The following ATP10B variants were observed in gnomAD, a reference collection of about 807,000 sequenced individuals.
ATP10B encodes ATPase phospholipid transporting 10B (putative).
In ATP10B, 122 loss-of-function variants were observed where a neutral mutation model predicts 141.2. The ratio of observed to expected loss-of-function variants is 0.86; its 90% confidence interval spans 0.75 to 1.00. The LOEUF is 1.00. Ranked by LOEUF, ATP10B falls within the 50% of genes least tolerant of loss-of-function variation. The pLI, the probability that ATP10B is intolerant of heterozygous loss-of-function variation, is 0.00. For missense variants in ATP10B, 1,876 were observed against 1,825.3 expected, an observed-to-expected ratio of 1.03 and a Z score of -0.51; for synonymous variants, 685 against 692.0, an observed-to-expected ratio of 0.99 and a Z score of 0.16.
At chr5:160,807,057 A>G (rs1772827928) in intron 1 of ATP10B, among the ~76,000 whole-genome samples, 1 of 152,200 alleles carries the variant, frequency 6.6e-6, no homozygotes, top group African/African-American at 2.4e-5. Flanking sequence ...TCTAGCAATA[A>G]ATTAGAACCA....
intron 1 of ATP10B, among the ~76,000 whole-genome samples, chr5:160,851,367 CTTT>C (rs1238623784): frequency 6.6e-6 from 1 of 152,026 alleles, no homozygotes; most frequent in South Asian, 2.1e-4. Flanking sequence ...ATGCATGGGG[CTTT>C]TTTATTTTTT....
intron 2 of ATP10B, among the ~76,000 whole-genome samples, chr5:160,735,284 T>G (rs966548928): frequency 7.3e-5 from 11 of 151,268 alleles, no homozygotes; most frequent in Non-Finnish European, 1.5e-4. Context: ...ACATACAGAT[T>G]GAAAATAAAG....
intron 7 of ATP10B, among the ~76,000 whole-genome samples, chr5:160,652,104 C>G (rs1760781869): frequency 6.6e-6 from 1 of 152,182 alleles, no homozygotes; most frequent in Admixed American, 6.5e-5. Flanking sequence ...TCTTGTTCCT[C>G]TGTTGGGGCT....
At chr5:160,576,164 G>A (rs1043881451) in intron 24 of ATP10B, among the ~76,000 whole-genome samples, 1 of 152,274 alleles carries the variant, frequency 6.6e-6, no homozygotes, top group African/African-American at 2.4e-5. Flanking sequence ...GGGGTTCTGG[G>A]TCATGTCTCC....
At chr5:160,673,009 C>T (rs1762807273) in intron 6 of ATP10B, among the ~76,000 whole-genome samples, 2 of 152,304 alleles carry the variant, frequency 1.3e-5, no homozygotes, top group Non-Finnish European at 1.5e-5. Flanking sequence ...TAAACAGGGA[C>T]ATTGGAATTG....
chr5:160,620,250 A>T, intron 15 of ATP10B, 97 bp downstream of exon 15: 1 of 1,466,728 alleles, frequency 6.8e-7, no homozygotes, highest in Non-Finnish European at 9.2e-7. Context: ...CTGCCATACC[A>T]GGTGACACTA....
intron 7 of ATP10B, 70 bp from the exon 8 acceptor site, chr5:160,649,326 G>T: frequency 9.2e-7 from 1 of 1,091,352 alleles, no homozygotes; most frequent in Non-Finnish European, 1.4e-6. Context: ...CACTGGGAGA[G>T]CTAATCACTG....
intron 3 of ATP10B, among the ~76,000 whole-genome samples, chr5:160,703,441 A>G (rs1285855163): frequency 2.0e-5 from 3 of 151,646 alleles, no homozygotes. Flanking sequence ...AAATAGTCAT[A>G]ATCTTTTTGC....
intron 1 of ATP10B, among the ~76,000 whole-genome samples, chr5:160,836,546 T>C (rs1186443912): frequency 6.6e-6 from 1 of 152,126 alleles, no homozygotes; most frequent in Admixed American, 6.6e-5. Flanking sequence ...TCTAGTCTCA[T>C]TGCATTATTC....
chr5:160,807,239 A>G (rs1581569199), intron 1 of ATP10B, among the ~76,000 whole-genome samples: 1 of 152,194 alleles, frequency 6.6e-6, no homozygotes, highest in African/African-American at 2.4e-5. Flanking sequence ...TTTGCTGGTA[A>G]GAGTGATTGT....
chr5:160,669,039 C>T (rs1056274264), intron 7 of ATP10B, among the ~76,000 whole-genome samples: 3 of 152,222 alleles, frequency 2.0e-5, no homozygotes, highest in Non-Finnish European at 4.4e-5. Flanking sequence ...TGCTTTCCTT[C>T]TCCCAAATCC....
chr5:160,682,932 G>T (rs1477193842), intron 6 of ATP10B, among the ~76,000 whole-genome samples: 1 of 150,978 alleles, frequency 6.6e-6, no homozygotes, highest in Non-Finnish European at 1.5e-5. Context: ...CCAGCTACTC[G>T]GGAGGCTGAG....
chr5:160,667,157 G>T (rs1363918363), intron 7 of ATP10B, among the ~76,000 whole-genome samples: 2 of 152,314 alleles, frequency 1.3e-5, no homozygotes, highest in Admixed American at 1.3e-4. Context: ...GGCGGAGCTT[G>T]CAGTGAGCAG....
the ATP10B span, among the ~76,000 whole-genome samples, chr5:160,873,123 G>A: frequency 2.2e-5 from 2 of 91,594 alleles, no homozygotes; most frequent in African/African-American, 7.4e-5. Flanking sequence ...GGTTTTTTTT[G>A]TTTTTTTTTT....
chr5:160,685,765 C>T (rs189914322), intron 6 of ATP10B, among the ~76,000 whole-genome samples: 5 of 152,220 alleles, frequency 3.3e-5, no homozygotes, highest in African/African-American at 1.2e-4. Flanking sequence ...TTTTCTCAGC[C>T]TCAGCACTAT....
chr5:160,606,312 A>G (rs116242922), intron 19 of ATP10B, among the ~76,000 whole-genome samples: 2,386 of 152,282 alleles, frequency 0.016, 29 homozygotes, highest in Middle Eastern at 0.075. Context: ...TAAACACACA[A>G]ATTAAACATG....
chr5:160,741,799 A>G (rs1393939497), intron 2 of ATP10B, among the ~76,000 whole-genome samples: 2 of 152,198 alleles, frequency 1.3e-5, no homozygotes, highest in Non-Finnish European at 2.9e-5. Flanking sequence ...GGAGACTAAG[A>G]CTTGTCAGGT....
the ATP10B span, among the ~76,000 whole-genome samples, chr5:160,885,208 T>G: frequency 3.7e-3 from 560 of 152,340 alleles, 2 homozygotes; most frequent in Middle Eastern, 6.8e-3. Context: ...AGAAAACTGA[T>G]GAGCTGAGAG....
intron 2 of ATP10B, among the ~76,000 whole-genome samples, chr5:160,765,458 TG>T (rs1343027766): frequency 3.2e-4 from 49 of 151,962 alleles, no homozygotes; most frequent in African/African-American, 1.1e-3. Flanking sequence ...AAACATAAAA[TG>T]GGGGAAACGA....
Sources: allele counts gnomAD v4.1 joint callset (sites outside exome capture counted in the v4.1 genomes callset), GRCh38; gene constraint gnomAD v4.1.1; transcripts MANE v1.5; gene names NCBI Gene and HGNC (gene_info 2026-07-23, HGNC 2026-07-21).